Variants in USP31 observed in about 807,000 individuals in gnomAD.
The protein encoded by USP31 is ubiquitin carboxyl-terminal hydrolase 31.
USP31 carries 44 observed loss-of-function variants against 119.4 expected under a neutral mutation model. The observed-to-expected ratio is 0.37, with a 90% CI of 0.29 to 0.47. The LOEUF is 0.47. USP31 is among the 20% of genes least tolerant of loss of function. The pLI, the probability that USP31 is intolerant of heterozygous loss-of-function variation, is 0.99. For missense variants in USP31, 1,643 were observed against 1,730.2 expected (o/e 0.95, Z 0.89); for synonymous variants, 749 against 705.6 (o/e 1.06, Z -0.97).
At chr16:23,129,253 G>A (rs1008032893) in intron 1 of USP31, among the ~76,000 whole-genome samples, 1 of 152,114 alleles carries the variant, frequency 6.6e-6, no homozygotes, top group African/African-American at 2.4e-5. Context: ...GGTTGTGAGC[G>A]ACAACAGATG....
At chr16:23,141,406 G>T (rs1283456650) in intron 1 of USP31, among the ~76,000 whole-genome samples, 4 of 150,652 alleles carry the variant, frequency 2.7e-5, no homozygotes, top group African/African-American at 7.3e-5. Context: ...TGGACACAGG[G>T]TCTCACTCTG....
intron 1 of USP31, among the ~76,000 whole-genome samples, chr16:23,137,983 A>C (rs1903243936): frequency 6.6e-6 from 1 of 152,194 alleles, no homozygotes; most frequent in South Asian, 2.1e-4. Flanking sequence ...CAGAATAACA[A>C]CCATATAAAA....
At chr16:23,110,050 A>G (rs1902256072) in intron 1 of USP31, among the ~76,000 whole-genome samples, 1 of 152,192 alleles carries the variant, frequency 6.6e-6, no homozygotes, top group Non-Finnish European at 1.5e-5. Context: ...TTTAATCAAT[A>G]GTAATGTACC....
chr16:23,126,320 T>TAAAA (rs71279502), intron 1 of USP31, among the ~76,000 whole-genome samples: 4 of 107,186 alleles, frequency 3.7e-5, no homozygotes, highest in East Asian at 2.5e-4. Flanking sequence ...CCTGTCTCTT[T>TAAAA]AAAAAAAAAA....
At chr16:23,072,317 AG>A (rs1448223112) in intron 14 of USP31, 120 bp from the exon 15 acceptor site, 1 of 1,367,704 alleles carries the variant, frequency 7.3e-7, no homozygotes, top group Non-Finnish European at 1.0e-6. Flanking sequence ...CCTCACCCCG[AG>A]GTCAGCATCA....
rs1389640369 is a variant in USP31, at chr16:23,069,226, G to A, written c.2879C>T (p.Ser960Phe). Residue 960 changes from serine (S) to phenylalanine (F), a missense_variant, in exon 16 of 16, where the codon TCC becomes TTC. Coordinates refer to ENST00000219689, the MANE Select transcript of USP31 (RefSeq NM_020718.4). The part of the protein sequence containing the change: ...KDESDTRRLN[S>F]SVVDTQSKHS... ...TTTGCTCTGTGTATCTACGACACTG[G>A]AGTTCAATCTGCGGGTGTCCGATTC... The A allele has an allele frequency of 6.2e-7, 1 of 1,614,110 alleles. No individual in the cohort carries two copies. Among genetic ancestry groups the A allele is most frequent in the South Asian group, 1.1e-5 (1 of 91,090 alleles).
intron 1 of USP31, among the ~76,000 whole-genome samples, chr16:23,116,157 T>A (rs1902478831): frequency 1.3e-5 from 2 of 152,170 alleles, no homozygotes; most frequent in South Asian, 4.1e-4. Flanking sequence ...CTTTCTTTGA[T>A]TCTATGCCAG....
At chr16:23,142,995 T>G (rs1392554835) in intron 1 of USP31, among the ~76,000 whole-genome samples, 1 of 152,146 alleles carries the variant, frequency 6.6e-6, no homozygotes, top group Non-Finnish European at 1.5e-5. Flanking sequence ...CATGAGTGCA[T>G]GGAAAAGCAG....
rs753926345 is a variant in USP31 at position 23,069,518 on chromosome 16, T to C, written c.2587A>G (p.Met863Val). The C allele has an allele frequency of 1.2e-6, 2 of 1,614,082 alleles. No homozygotes were observed. Among genetic ancestry groups the C allele is most frequent in the African/African-American group, 2.7e-5 (2 of 74,936 alleles). ...GCAGACAGGGACCATGAAGGTCTCA[T>C]GCAATTTTCATTGACGGCCAAGGGG... ...TSPLAVNENC[M>V]RPSWSLSAKL... The change falls in exon 16 of 16, where the codon ATG becomes GTG. Residue 863 changes from methionine to valine, a missense_variant. Around this residue, in one of 5 missense-constraint regions of USP31, gnomAD observed 699 missense variants for 650.9 expected, o/e 1.07. Coordinates refer to ENST00000219689, the MANE Select transcript of USP31 (RefSeq NM_020718.4).
rs1376078374 is a variant in USP31, at chr16:23,064,018, C to T, written c.*4028G>A. 6.6e-6 allele frequency: 1 copy of T among 152,604 alleles called. No individual in the cohort carries two copies. The highest frequency in any genetic ancestry group is 1.9e-4 in the East Asian group (1 of 5,194). The allele number at this position is 152,604 out of a possible 1,614,324, so 9.5% of individuals were successfully genotyped here. ...TGAAATGAAAGTTAAAGACAGCCTGCACAGTAACAGCTACTTTTTGTGTTC... is the reference window on the plus strand; with the variant it reads ...TGAAATGAAAGTTAAAGACAGCCTGTACAGTAACAGCTACTTTTTGTGTTC... On this transcript the variant is annotated 3_prime_UTR_variant, in exon 16 of 16. Transcript: ENST00000219689.
In USP31 at chr16:23,068,350, T is replaced by C. The variant is rs151266133; in HGVS notation, c.3755A>G (p.Lys1252Arg). 21 of 1,614,204 alleles carry C rather than the reference T, an allele frequency of 1.3e-5. No homozygotes were observed. The African/African-American group carries it at 2.3e-4, about 17-fold the overall frequency. The change falls in exon 16 of 16, where the codon AAA (lysine) becomes AGA (arginine). Residue 1252 changes from lysine (K) to arginine (R), a missense_variant. Lys to Arg is a conservative substitution (Grantham distance 26, BLOSUM62 2). Around this residue, in one of 5 missense-constraint regions of USP31, gnomAD observed 699 missense variants for 650.9 expected, o/e 1.07. Coordinates refer to ENST00000219689, the MANE Select transcript of USP31 (RefSeq NM_020718.4). The part of the protein sequence containing the change: ...TDLGKTALLS[K>R]KAGGSSVKSV... ...CTTAACAGAGCTCCCACCAGCCTTT[T>C]TAGAGAGCAAGGCTGTCTTGCCAAG...
chr16:23,087,335 C>T, intron 8 of USP31, 149 bp from the exon 9 acceptor site: 1 of 655,472 alleles, frequency 1.5e-6, no homozygotes, highest in Non-Finnish European at 2.6e-6. Flanking sequence ...TGTTGAGCCA[C>T]TCTAATACAC....
At chr16:23,136,431 T>C (rs1903192056) in intron 1 of USP31, among the ~76,000 whole-genome samples, 1 of 152,160 alleles carries the variant, frequency 6.6e-6, no homozygotes, top group Admixed American at 6.5e-5. Context: ...GGTGGGTGGA[T>C]CACCTGAGGT....
At chr16:23,115,268 T>C (rs1311650007) in intron 1 of USP31, among the ~76,000 whole-genome samples, 3 of 152,250 alleles carry the variant, frequency 2.0e-5, no homozygotes, top group Admixed American at 2.0e-4. Context: ...TCTTTCTGTA[T>C]GTTTGCAGTT....
chr16:23,102,566 C>T, intron 5 of USP31, 103 bp from the exon 6 acceptor site: 2 of 1,351,096 alleles, frequency 1.5e-6, no homozygotes, highest in Non-Finnish European at 2.0e-6. Context: ...TGGCAGTGGT[C>T]TGAGAGACAT....
intron 1 of USP31, among the ~76,000 whole-genome samples, chr16:23,129,413 T>A (rs1035822274): frequency 7.2e-5 from 11 of 152,308 alleles, no homozygotes; most frequent in Middle Eastern, 3.4e-3. Flanking sequence ...TAAGGAATAT[T>A]AGTTTTCCTT....
chr16:23,130,135 G>C (rs1425385165), intron 1 of USP31, among the ~76,000 whole-genome samples: 1 of 152,148 alleles, frequency 6.6e-6, no homozygotes, highest in Non-Finnish European at 1.5e-5. Context: ...GCCTTTCCGG[G>C]ACAGGGGGGA....
rs1899923046 is a variant in USP31, at chr16:23,063,217, A to C, written c.*4829T>G. The C allele has an allele frequency of 6.6e-6, 1 of 152,202 alleles. No homozygotes were observed. The highest frequency in any genetic ancestry group is 2.1e-4 in the South Asian group (1 of 4,832). 9.4% of individuals were successfully genotyped at this position (152,202 alleles called of 1,614,324 possible). ...AAAAAGTCTCTCAAATTTGCTGTGC[A>C]CCCCTTCTCCCAAAAATTGGGAAAC... is the stretch of plus-strand genomic sequence containing the variant. On this transcript the variant is annotated 3_prime_UTR_variant, in exon 16 of 16. Transcript: ENST00000219689.
intron 6 of USP31, among the ~76,000 whole-genome samples, chr16:23,091,714 G>A (rs925771351): frequency 6.6e-6 from 1 of 152,082 alleles, no homozygotes; most frequent in African/African-American, 2.4e-5. Flanking sequence ...CATAGTTAAT[G>A]CCAATATAAA....
Sources: allele counts gnomAD v4.1 joint callset (sites outside exome capture counted in the v4.1 genomes callset), GRCh38; gene constraint gnomAD v4.1.1; regional missense constraint gnomAD v4.1.1; transcripts MANE v1.5; gene names NCBI Gene and HGNC (gene_info 2026-07-23, HGNC 2026-07-21).